Variants in CCDC57 observed in about 807,000 individuals in gnomAD.
CCDC57 encodes the protein coiled-coil domain-containing protein 57.
A neutral mutation model predicts 118.9 loss-of-function variants in CCDC57; 118 were observed. The ratio of observed to expected loss-of-function variants is 0.99; its 90% CI spans 0.86 to 1.16. The LOEUF is 1.16. Among genes scored for constraint, CCDC57 ranks in the 50% most tolerant of loss-of-function variants. CCDC57 has a pLI of 0.00. For missense variants in CCDC57, 1,300 were observed against 1,320.7 expected (o/e 0.98, Z 0.24); for synonymous variants, 527 against 532.9 (o/e 0.99, Z 0.15).
chr17:82,115,761 C>G (rs1454327282), intron 19 of CCDC57, among the ~76,000 whole-genome samples: 1 of 142,686 alleles, frequency 7.0e-6, no homozygotes, highest in African/African-American at 2.6e-5. Context: ...GAGGGAGACT[C>G]TGTCTCAAAA....
intron 15 of CCDC57, chr17:82,157,005 G>A (rs1184331170): frequency 6.6e-6 from 1 of 152,368 alleles, no homozygotes; most frequent in Non-Finnish European, 1.5e-5. Context: ...GTAACTATAG[G>A]TTACCACAGG....
intron 3 of CCDC57, 91 bp downstream of exon 2, chr17:82,201,447 T>A: frequency 7.2e-7 from 1 of 1,397,850 alleles, no homozygotes; most frequent in Admixed American, 2.6e-5. Flanking sequence ...GCAGTGAGAG[T>A]GGGCAGTGCT....
rs76313400 is a variant in CCDC57, at chr17:82,136,276, C to T, written c.2456-2082G>A. Among the ~76,000 whole-genome samples the T allele has an allele frequency of 3.0e-3, 458 of 152,270 alleles. 3 individuals carry two copies. Among genetic ancestry groups the T allele is most frequent in the African/African-American group, 9.9e-3 (412 of 41,548 alleles). On this transcript the variant is annotated intron_variant, in intron 16 of 19. Coordinates refer to ENST00000665763, the Ensembl canonical transcript of CCDC57. ...CCCATGGAAAGGAATTAAGTGCAGA[C>T]GCCCCAGCACGAGGGACCCTCAAAC...
intron 19 of CCDC57, among the ~76,000 whole-genome samples, chr17:82,110,595 A>C (rs2035176147): frequency 6.6e-6 from 1 of 152,244 alleles, no homozygotes; most frequent in Admixed American, 6.5e-5. Context: ...ATACCAGGCC[A>C]CAGAGCAAGT....
At chr17:82,106,323 A>C (rs1365093389) in intron 19 of CCDC57, 1 of 152,416 alleles carries the variant, frequency 6.6e-6, no homozygotes, top group Non-Finnish European at 1.5e-5. Flanking sequence ...GCGAGAAGAG[A>C]CCCAGAGACG....
intron 10 of CCDC57, 150 bp from the exon 10 acceptor site, chr17:82,178,755 T>C (rs6502084): frequency 1 from 1,172,973 of 1,177,382 alleles, 584,417 homozygotes; most frequent in South Asian, 1. Context: ...TGCCCATGCA[T>C]ACCCCAGGCT....
chr17:82,128,453 C>T, intron 18 of CCDC57, 40 bp downstream of exon 17: 1 of 1,443,472 alleles, frequency 6.9e-7, no homozygotes, highest in South Asian at 1.2e-5. Flanking sequence ...GCTGGCCACA[C>T]CCCACACAGC....
At chr17:82,152,566 T>A (rs924133716) in intron 15 of CCDC57, among the ~76,000 whole-genome samples, 2 of 152,152 alleles carry the variant, frequency 1.3e-5, no homozygotes, top group Non-Finnish European at 2.9e-5. Flanking sequence ...CAGAGTGCAA[T>A]CCCAACACAA....
At chr17:82,198,805 A>G (rs1289909600) in intron 3 of CCDC57, among the ~76,000 whole-genome samples, 5 of 151,880 alleles carry the variant, frequency 3.3e-5, no homozygotes, top group Non-Finnish European at 7.4e-5. Flanking sequence ...CCTGGCTAAC[A>G]CGGTGAAACC....
rs540100619 is a variant in CCDC57 at position 82,211,305 on chromosome 17, G to A, written c.-211+1480C>T. 1.2e-3 allele frequency among the ~76,000 whole-genome samples: 183 copies of A among 152,190 alleles called. 2 individuals carry two copies. Among genetic ancestry groups the A allele is most frequent in the African/African-American group, 4.0e-3 (168 of 41,520 alleles). On this transcript the variant is annotated intron_variant, in intron 1 of 19. Transcript: ENST00000665763. ...CAGAGAAATGCCCCCGAACTGGGGGGCATTTTATAAAATAGTGGACTCATC... is the reference window on the plus strand; with the variant it reads ...CAGAGAAATGCCCCCGAACTGGGGGACATTTTATAAAATAGTGGACTCATC...
rs1428774855 is a variant in CCDC57, at chr17:82,179,193, A to AG, written c.1212-5dup. On this transcript the variant is annotated splice_region_variant and splice_polypyrimidine_tract_variant and intron_variant, in intron 9 of 19. Transcript: ENST00000665763. ...CAGGGACAGCTGTTGCTTGTACCTA[A>AG]GGACACGTCCAACCGCTCAGCATTA... is the stretch of plus-strand genomic sequence containing the variant. 5.0e-6 allele frequency: 8 copies of AG among 1,612,280 alleles called. No individual in the cohort carries two copies. The highest frequency in any genetic ancestry group is 4.0e-5 in the African/African-American group (3 of 74,888).
chr17:82,137,613 T>C (rs935706509), intron 16 of CCDC57, among the ~76,000 whole-genome samples: 1 of 151,396 alleles, frequency 6.6e-6, no homozygotes, highest in African/African-American at 2.4e-5. Flanking sequence ...TCTCCTGACA[T>C]TTTTTTTTCC....
chr17:82,178,687 G>C (rs2045826013), intron 10 of CCDC57, 82 bp from the exon 10 acceptor site: 1 of 1,543,016 alleles, frequency 6.5e-7, no homozygotes, highest in South Asian at 1.2e-5. Flanking sequence ...GGCACACATA[G>C]GTGGGAGATG....
chr17:82,128,785 C>G (rs1212341713), intron 17 of CCDC57, among the ~76,000 whole-genome samples, 188 bp from the exon 17 acceptor site: 1 of 152,202 alleles, frequency 6.6e-6, no homozygotes, highest in Admixed American at 6.5e-5. Flanking sequence ...AGCAGGCTTC[C>G]CCAGTCATTC....
chr17:82,184,977 G>A (rs1024903260), intron 8 of CCDC57: 2 of 152,326 alleles, frequency 1.3e-5, no homozygotes, highest in Non-Finnish European at 2.9e-5. Context: ...CTGGTGCTCT[G>A]GGAAGCAGCT....
intron 14 of CCDC57, among the ~76,000 whole-genome samples, chr17:82,158,292 G>A (rs1054747143): frequency 6.6e-6 from 1 of 152,160 alleles, no homozygotes. Flanking sequence ...GCAAGTAACC[G>A]GTAGGAGGTG....
intron 16 of CCDC57, among the ~76,000 whole-genome samples, chr17:82,135,553 T>G (rs2039031928): frequency 1.3e-5 from 2 of 152,190 alleles, no homozygotes; most frequent in African/African-American, 4.8e-5. Flanking sequence ...ATCAGTTTCT[T>G]CTACGCAATA....
intron 18 of CCDC57, 47 bp from the exon 18 acceptor site, chr17:82,127,955 G>T: frequency 6.3e-7 from 1 of 1,599,650 alleles, no homozygotes; most frequent in South Asian, 1.1e-5. Context: ...CCAACCCAGA[G>T]GAAGCCACAG....
chr17:82,188,051 CAAA>C (rs11346964), intron 8 of CCDC57, among the ~76,000 whole-genome samples, 165 bp downstream of exon 7: 22 of 124,372 alleles, frequency 1.8e-4, no homozygotes, highest in Non-Finnish European at 2.4e-4. Flanking sequence ...AAAGAAAAGG[CAAA>C]AAAAAAAAAA....
Sources: gnomAD v4.1 joint callset for allele counts (sites outside exome capture counted in the v4.1 genomes callset) on GRCh38, gnomAD v4.1.1 for gene constraint, MANE v1.5 for transcripts, NCBI Gene and HGNC (gene_info 2026-07-23, HGNC 2026-07-21) for gene names.